CTNS: variants seen among roughly 807,000 people sequenced by gnomAD.
CTNS encodes cystinosin, lysosomal cystine transporter.
Under a neutral mutation model 43.7 loss-of-function variants are expected in CTNS, and 27 were observed. The observed-to-expected ratio is 0.62, with a 90% CI of 0.46 to 0.85. The LOEUF (loss-of-function observed/expected upper bound fraction) is 0.85, where lower values mean the gene tolerates loss of function less well. Ranked by LOEUF, CTNS falls within the 40% of genes least tolerant of loss-of-function variation. CTNS has a pLI of 0.00. For synonymous variants in CTNS, 187 were observed against 190.6 expected, an observed-to-expected ratio of 0.98 and a Z score of 0.16; for missense variants, 457 against 475.4, an observed-to-expected ratio of 0.96 and a Z score of 0.36.
chr17:3,650,368 G>T, intron 5 of CTNS: 3 of 1,541,044 alleles, frequency 1.9e-6, no homozygotes, highest in Non-Finnish European at 2.6e-6. Flanking sequence ...TGTAATCCCA[G>T]CTACTTGGGA....
chr17:3,662,161 A>C lies in CTNS; in HGVS notation c.*1792A>C, dbSNP rs987853549. ...CCCCATCTCTACTAAAGATACAAAA[A>C]TTAGCTGGGCATGGTGGCGGGCACC... On this transcript the variant is annotated 3_prime_UTR_variant, in exon 12 of 12. Transcript: ENST00000046640. 6.6e-6 allele frequency among the ~76,000 whole-genome samples: 1 copy of C among 152,082 alleles called. No homozygotes were observed. The highest frequency in any genetic ancestry group is 1.5e-5 in the Non-Finnish European group (1 of 68,016).
chr17:3,656,101 C>T, intron 7 of CTNS: 1 of 164,460 alleles, frequency 6.1e-6, no homozygotes, highest in East Asian at 1.8e-4. Flanking sequence ...CAGCCCTCAC[C>T]CCCTGCCCTG....
intron 5 of CTNS, among the ~76,000 whole-genome samples, chr17:3,653,256 A>G (rs2076033236): frequency 1.3e-5 from 2 of 151,838 alleles, no homozygotes; most frequent in South Asian, 4.2e-4. Context: ...TACGAAAAAT[A>G]CAAAAAATTA....
chr17:3,650,292 A>C, intron 5 of CTNS: 1 of 1,550,072 alleles, frequency 6.5e-7, no homozygotes, highest in Non-Finnish European at 8.7e-7. Flanking sequence ...AAACACGATC[A>C]GTCTCCAGCA....
chr17:3,641,384 A>ATATATTTTTTTT (rs1555558526), intron 3 of CTNS, among the ~76,000 whole-genome samples: 1 of 31,204 alleles, frequency 3.2e-5, no homozygotes, highest in African/African-American at 2.3e-4. Context: ...ATATATATAT[A>ATATATTTTTTTT]TTTTTTTTTT....
intron 5 of CTNS, 127 bp from the exon 6 acceptor site, chr17:3,654,871 G>A: frequency 2.5e-6 from 2 of 787,414 alleles, no homozygotes; most frequent in Admixed American, 1.8e-5. Flanking sequence ...TGCTTAGTAA[G>A]CTCTTGGAAG....
intron 4 of CTNS, among the ~76,000 whole-genome samples, 182 bp from the exon 5 acceptor site, chr17:3,648,665 C>T (rs745834509): frequency 4.6e-5 from 7 of 152,206 alleles, no homozygotes; most frequent in Non-Finnish European, 8.8e-5. Flanking sequence ...ACCTGGTCTC[C>T]TGATTAAGAC....
intron 5 of CTNS, chr17:3,650,641 T>G (rs966694848): frequency 4.4e-6 from 1 of 229,574 alleles, no homozygotes; most frequent in Admixed American, 5.0e-5. Context: ...TTGCCCAGGG[T>G]GTGAGGCCAG....
intron 10 of CTNS, among the ~76,000 whole-genome samples, chr17:3,659,245 G>A (rs1037297641): frequency 1.3e-5 from 2 of 152,182 alleles, no homozygotes; most frequent in Non-Finnish European, 2.9e-5. Flanking sequence ...TCTGCAGCAT[G>A]GGAGGACGTG....
Position 3,655,016 on chromosome 17 carries a change from G to A in CTNS, c.244G>A (p.Val82Met), listed in dbSNP as rs768858413. The change falls in exon 6 of 12, where the codon GTG becomes ATG. Residue 82 changes from valine to methionine, a missense_variant. Physicochemically the swap from Val to Met is conservative, Grantham distance 21. Coordinates refer to ENST00000046640, the MANE Select transcript of CTNS (RefSeq NM_004937.3). Reference protein sequence around the residue: ...LPDEVVVPPGVTNSSFQVTSQ... With the variant: ...LPDEVVVPPGMTNSSFQVTSQ... Reference sequence around the variant, plus strand: ...CTAACAGGTTGTGGTGCCTCCTGGAGTGACAAACTCCTCTTTTCAAGTGAC... The same window carrying A: ...CTAACAGGTTGTGGTGCCTCCTGGAATGACAAACTCCTCTTTTCAAGTGAC... 70 of 1,613,744 alleles carry A rather than the reference G, an allele frequency of 4.3e-5. No homozygotes were observed. The highest frequency in any genetic ancestry group is 5.7e-5 in the Non-Finnish European group (67 of 1,179,736).
intron 2 of CTNS, among the ~76,000 whole-genome samples, chr17:3,639,974 T>A (rs1212430994): frequency 1.3e-5 from 2 of 152,202 alleles, no homozygotes; most frequent in Non-Finnish European, 2.9e-5. Flanking sequence ...ACACAACCCA[T>A]TTATCTGCTC....
At chr17:3,649,988 A>C (rs1394216658) in intron 5 of CTNS, among the ~76,000 whole-genome samples, 3 of 152,228 alleles carry the variant, frequency 2.0e-5, no homozygotes, top group Non-Finnish European at 4.4e-5. Context: ...AGCTGGGTGC[A>C]GTGGCTTGCA....
At chr17:3,659,035 T>C (rs1567715089) in intron 10 of CTNS, among the ~76,000 whole-genome samples, 1 of 151,772 alleles carries the variant, frequency 6.6e-6, no homozygotes, top group Non-Finnish European at 1.5e-5. Flanking sequence ...GTGGGAGGGA[T>C]TGGGGCCAAG....
chr17:3,649,687 C>T (rs560710236), intron 5 of CTNS, among the ~76,000 whole-genome samples: 194 of 152,208 alleles, frequency 1.3e-3, no homozygotes, highest in African/African-American at 4.5e-3. Flanking sequence ...AAACCAGTGC[C>T]AGAGGCCGTG....
In CTNS at chr17:3,660,291, C is replaced by T; in HGVS notation, c.1026C>T (p.Ser342=). ...DPTKFGLGVF[S]IVFDVVFFIQ... ...CCAAGTTTGGACTCGGGGTCTTCTC[C>T]ATCGTCTTCGACGTCGTCTTCTTCA... The change falls in exon 12 of 12, where the codon TCC becomes TCT. Residue 342 remains serine, a synonymous_variant. Transcript: ENST00000046640. 6.2e-7 allele frequency: 1 copy of T among 1,614,242 alleles called. No homozygotes were observed. The highest frequency in any genetic ancestry group is 8.5e-7 in the Non-Finnish European group (1 of 1,180,044).
At chr17:3,643,176 T>A (rs1392286241) in intron 3 of CTNS, among the ~76,000 whole-genome samples, 1 of 151,702 alleles carries the variant, frequency 6.6e-6, no homozygotes, top group East Asian at 2.0e-4. Context: ...TAGTCGGGCG[T>A]GGTGGCGGGC....
intron 2 of CTNS, among the ~76,000 whole-genome samples, chr17:3,637,581 C>T (rs1341425403): frequency 6.6e-6 from 1 of 152,098 alleles, no homozygotes; most frequent in Non-Finnish European, 1.5e-5. Context: ...ATTCTCCTAC[C>T]TCAGCCTTCC....
intron 5 of CTNS, among the ~76,000 whole-genome samples, chr17:3,654,150 T>C (rs1333926050): frequency 6.6e-6 from 1 of 152,154 alleles, no homozygotes; most frequent in Non-Finnish European, 1.5e-5. Flanking sequence ...GTGGCCCCGT[T>C]TGCCATGCAC....
chr17:3,654,771 G>A (rs1347149199), intron 5 of CTNS, among the ~76,000 whole-genome samples: 2 of 152,096 alleles, frequency 1.3e-5, no homozygotes, highest in African/African-American at 4.8e-5. Context: ...GAGGCGGGTA[G>A]ATTGCTTGAG....
Sources: gnomAD v4.1 joint callset for allele counts (sites outside exome capture counted in the v4.1 genomes callset) on GRCh38, gnomAD v4.1.1 for gene constraint, MANE v1.5 for transcripts, NCBI Gene and HGNC (gene_info 2026-07-23, HGNC 2026-07-21) for gene names.